COX18: variants seen among roughly 807,000 people sequenced by gnomAD.
COX18 encodes cytochrome c oxidase assembly protein COX18, mitochondrial.
Under a neutral mutation model 38.0 loss-of-function variants are expected in COX18, and 45 were observed. The ratio of observed to expected loss-of-function variants is 1.18; its 90% CI spans 0.93 to 1.52. COX18 has a LOEUF of 1.52. COX18 is among the 40% of genes most tolerant of loss of function. The pLI is 0.00. For missense variants in COX18, 462 were observed against 423.8 expected (o/e 1.09, Z -0.79); for synonymous variants, 177 against 169.8 (o/e 1.04, Z -0.33).
In COX18 at chr4:73,056,539, C is replaced by T. The variant is rs1042997543; in HGVS notation, c.*1575G>A. 2 of 152,054 alleles carry T rather than the reference C, an allele frequency of 1.3e-5. No individual in the cohort carries two copies. Among genetic ancestry groups the T allele is most frequent in the African/African-American group, 4.8e-5 (2 of 41,390 alleles). The allele number at this position is 152,054 out of a possible 1,614,324, so 9.4% of individuals were successfully genotyped here. On this transcript the variant is annotated 3_prime_UTR_variant, in exon 6 of 6. Coordinates refer to ENST00000507544, the MANE Select transcript of COX18 (RefSeq NM_001297732.2). ...TTTTTGTATTCTTTCTGAGCAGGGCCGGGAGGCAACATCATCTACCATGTT... is the reference window on the plus strand; with the variant it reads ...TTTTTGTATTCTTTCTGAGCAGGGCTGGGAGGCAACATCATCTACCATGTT...
Position 73,069,173 on chromosome 4 carries a change from G to A in COX18, c.333+144C>T, listed in dbSNP as rs187984051. 48 of 629,452 alleles carry A rather than the reference G, an allele frequency of 7.6e-5. 2 individuals carry two copies. The East Asian group carries it at 1.3e-3, about 17-fold the overall frequency. The allele number at this position is 629,452 out of a possible 1,614,324, so 39.0% of individuals were successfully genotyped here. A position where few individuals can be genotyped will look rare whatever the true frequency, so the allele number is the denominator to read the frequency against. ...GTTCAATTTTTTTTAACGCTAAAAT[G>A]GTCACAATGAAATGGTCACGATGAT... On this transcript the variant is annotated intron_variant, in intron 1 of 5. Coordinates refer to ENST00000507544, the MANE Select transcript of COX18 (RefSeq NM_001297732.2).
At chr4:73,066,839 T>A (rs967824474) in intron 2 of COX18, among the ~76,000 whole-genome samples, 1 of 152,238 alleles carries the variant, frequency 6.6e-6, no homozygotes, top group Non-Finnish European at 1.5e-5. Context: ...CAGATCTTTT[T>A]AACACTAAAT....
At position 73,055,617 on chromosome 4, in the gene COX18, A is replaced by G. The variant is rs1278102372; in HGVS notation, c.*2497T>C. ...AACAAAAAGAACAGAAATTAGGAAG[A>G]GATGGGACTAAGTAGACTCAAAAAG... On this transcript the variant is annotated 3_prime_UTR_variant, in exon 6 of 6. Coordinates refer to ENST00000507544, the MANE Select transcript of COX18 (RefSeq NM_001297732.2). The G allele has an allele frequency of 6.6e-6, 1 of 152,218 alleles. No homozygotes were observed. Among genetic ancestry groups the G allele is most frequent in the Non-Finnish European group, 1.5e-5 (1 of 68,044 alleles). 9.4% of individuals were successfully genotyped at this position (152,218 alleles called of 1,614,324 possible).
In COX18 at chr4:73,055,777, G is replaced by C. The variant is rs1364998064; in HGVS notation, c.*2337C>G. On this transcript the variant is annotated 3_prime_UTR_variant, in exon 6 of 6. Transcript: ENST00000507544. ...GTGCAAGTACTGGTTCTGGGGTTAT[G>C]GATAGATTTGAGCAAGGAGGCAAAT... 6.6e-6 allele frequency: 1 copy of C among 152,142 alleles called. No homozygotes were observed. The highest frequency in any genetic ancestry group is 2.4e-5 in the African/African-American group (1 of 41,434). The allele number at this position is 152,142 out of a possible 1,614,324, so 9.4% of individuals were successfully genotyped here.
rs1205004112 is a variant in COX18, at chr4:73,061,298, G to C, written c.831+515C>G. ...AAATGGAAGAAATACCATATTCATG[G>C]TATTATGCAAAACACGTTGCAAAAT... On this transcript the variant is annotated intron_variant, in intron 5 of 5. Coordinates refer to ENST00000507544, the MANE Select transcript of COX18 (RefSeq NM_001297732.2). Among the ~76,000 whole-genome samples the C allele has an allele frequency of 2.0e-5, 3 of 152,198 alleles. No individual in the cohort carries two copies. The East Asian group carries it at 5.8e-4, about 29-fold the overall frequency.
Position 73,069,402 on chromosome 4 carries a change from C to T in COX18, c.248G>A (p.Trp83Ter), listed in dbSNP as rs1720644065. ...GVHAATGLPW[W>*]GSILLSTVAL... ...CACGGTGGAGAGCAGAATGCTGCCC[C>T]ACCAGGGCAGGCCCGTGGCGGCGTG... is the stretch of plus-strand genomic sequence containing the variant. The change falls in exon 1 of 6, where the codon TGG (tryptophan) becomes TAG (stop). Residue 83 changes from tryptophan (W) to a stop codon, truncating the protein, a stop_gained. Transcript: ENST00000507544. LOFTEE classifies it high-confidence loss of function. The T allele has an allele frequency of 1.3e-6, 2 of 1,567,712 alleles. No individual in the cohort carries two copies. The highest frequency in any genetic ancestry group is 4.7e-5 in the East Asian group (2 of 42,330).
At position 73,058,186 on chromosome 4, in the gene COX18, G is replaced by A. The variant is rs749649793; in HGVS notation, c.933C>T (p.Thr311=). 2 of 1,613,384 alleles carry A rather than the reference G, an allele frequency of 1.2e-6. No homozygotes were observed. Among genetic ancestry groups the A allele is most frequent in the Non-Finnish European group, 1.7e-6 (2 of 1,179,432 alleles). The change falls in exon 6 of 6, where the codon ACC becomes ACT. Residue 311 remains threonine (T), a synonymous_variant. Coordinates refer to ENST00000507544, the MANE Select transcript of COX18 (RefSeq NM_001297732.2). ...TATAAGGAGTTTCTGAATCTGACTT[G>A]GTCGATGGTATTCGGCAAAGTTGGC... ...GFRQLCRIPS[T]KSDSETPYKD...
chr4:73,068,407 G>A, intron 1 of COX18: 1 of 251,894 alleles, frequency 4.0e-6, no homozygotes, highest in Non-Finnish European at 7.8e-6. Context: ...CTACTTCACA[G>A]GGTTACAAAT....
intron 4 of COX18, 90 bp from the exon 5 acceptor site, chr4:73,062,010 G>C: frequency 6.1e-6 from 3 of 489,316 alleles, no homozygotes; most frequent in South Asian, 3.1e-5. Flanking sequence ...TTTTTCACTG[G>C]CCTCCATCTA....
intron 2 of COX18, among the ~76,000 whole-genome samples, 159 bp from the exon 3 acceptor site, chr4:73,065,572 AC>A (rs924087298): frequency 1.3e-5 from 2 of 152,212 alleles, no homozygotes; most frequent in African/African-American, 4.8e-5. Context: ...TGCCTAAACA[AC>A]AGGCAAATAA....
rs1172138697 is a variant in COX18, at chr4:73,052,978, T to A, written c.*5136A>T. 1 of 150,362 alleles carries A rather than the reference T, an allele frequency of 6.7e-6. No individual in the cohort carries two copies. The highest frequency in any genetic ancestry group is 1.5e-5 in the Non-Finnish European group (1 of 67,678). 9.3% of individuals were successfully genotyped at this position (150,362 alleles called of 1,614,324 possible). On this transcript the variant is annotated 3_prime_UTR_variant, in exon 6 of 6. Coordinates refer to ENST00000507544, the MANE Select transcript of COX18 (RefSeq NM_001297732.2). Reference sequence around the variant, plus strand: ...GTGATTCCTGGGATTCTTAGAAGAATAAAATATGAAGGTATAAGTGTGATT... The same window carrying A: ...GTGATTCCTGGGATTCTTAGAAGAAAAAAATATGAAGGTATAAGTGTGATT...
At chr4:73,063,211 CAA>C (rs1720264659) in intron 4 of COX18, among the ~76,000 whole-genome samples, 1 of 151,728 alleles carries the variant, frequency 6.6e-6, no homozygotes, top group South Asian at 2.1e-4. Flanking sequence ...GAGGCTGAGA[CAA>C]GAGAATCACC....
intron 1 of COX18, 56 bp downstream of exon 1, chr4:73,069,261 T>A: frequency 7.5e-7 from 1 of 1,325,962 alleles, no homozygotes; most frequent in Non-Finnish European, 1.0e-6. Flanking sequence ...AATGTCGGCC[T>A]TCCTCCGCCG....
intron 5 of COX18, 104 bp downstream of exon 5, chr4:73,061,707 CAA>C (rs35931617): frequency 0.093 from 33,271 of 357,168 alleles, no homozygotes; most frequent in East Asian, 0.12. Context: ...GACTCCGTCT[CAA>C]AAAAAAAAAA....
chr4:73,060,803 C>A (rs955363740), intron 5 of COX18, among the ~76,000 whole-genome samples: 29 of 151,538 alleles, frequency 1.9e-4, no homozygotes, highest in Middle Eastern at 3.4e-3. Context: ...CCACTTGAAC[C>A]CAGGAGGAGG....
chr4:73,064,769 A>G lies in COX18; in HGVS notation c.723+9T>C, dbSNP rs1232776489. 1.2e-6 allele frequency: 2 copies of G among 1,611,360 alleles called. No homozygotes were observed. The highest frequency in any genetic ancestry group is 1.7e-6 in the Non-Finnish European group (2 of 1,178,458). On this transcript the variant is annotated intron_variant, in intron 4 of 5. Coordinates refer to ENST00000507544, the MANE Select transcript of COX18 (RefSeq NM_001297732.2). ...AAATGGCAAACAAATTTCATTTAAA[A>G]CTACTGACCTCCACTATTAACAAAT... is the stretch of plus-strand genomic sequence containing the variant.
rs1396801728 is a variant in COX18, at chr4:73,056,599, T to C, written c.*1515A>G. 4 of 152,232 alleles carry C rather than the reference T, an allele frequency of 2.6e-5. No individual in the cohort carries two copies. Among genetic ancestry groups the C allele is most frequent in the Admixed American group, 1.3e-4 (2 of 15,288 alleles). 9.4% of individuals were successfully genotyped at this position (152,232 alleles called of 1,614,324 possible). A position where few individuals can be genotyped will look rare whatever the true frequency, so the allele number is the denominator to read the frequency against. On this transcript the variant is annotated 3_prime_UTR_variant, in exon 6 of 6. Transcript: ENST00000507544. ...TATGCATGGACTACTTTACTGCATA[T>C]ATTTCAAGTTGCCCCCGCTTTTTTT...
chr4:73,056,181 T>C lies in COX18; in HGVS notation c.*1933A>G, dbSNP rs1719880546. The C allele has an allele frequency of 6.6e-6, 1 of 152,228 alleles. No individual in the cohort carries two copies. Among genetic ancestry groups the C allele is most frequent in the African/African-American group, 2.4e-5 (1 of 41,464 alleles). 9.4% of individuals were successfully genotyped at this position (152,228 alleles called of 1,614,324 possible). On this transcript the variant is annotated 3_prime_UTR_variant, in exon 6 of 6. Coordinates refer to ENST00000507544, the MANE Select transcript of COX18 (RefSeq NM_001297732.2). ...TTTTAACTAAATGAAAATTATGATT[T>C]ATAGCCTTCTCAAATACCTGCCATA... is the stretch of plus-strand genomic sequence containing the variant.
chr4:73,065,531 GGTTTCAGCT>G (rs1720408517), intron 2 of COX18, 118 bp from the exon 3 acceptor site: 1 of 824,112 alleles, frequency 1.2e-6, no homozygotes, highest in East Asian at 2.6e-5. Context: ...TTTGTATAAG[GGTTTCAGCT>G]GTCACAGGCA....
Sources: gnomAD v4.1 joint callset for allele counts (sites outside exome capture counted in the v4.1 genomes callset) on GRCh38, gnomAD v4.1.1 for gene constraint, MANE v1.5 for transcripts, NCBI Gene and HGNC (gene_info 2026-07-23, HGNC 2026-07-21) for gene names.